Variants in NCOR2 observed in about 807,000 individuals in gnomAD.
NCOR2 encodes the protein CTG repeat protein 26.
NCOR2 carries 81 observed loss-of-function variants against 262.9 expected under a neutral mutation model. The observed-to-expected ratio is 0.31, with a 90% confidence interval of 0.26 to 0.37. The LOEUF (loss-of-function observed/expected upper bound fraction) is 0.37. Ranked by LOEUF, NCOR2 falls within the 10% of genes least tolerant of loss-of-function variation. The pLI is 1.00. For missense variants in NCOR2, 3,385 were observed against 3,621.4 expected, an observed-to-expected ratio of 0.93 and a Z score of 1.68; for synonymous variants, 1,659 against 1,559.3, an observed-to-expected ratio of 1.06 and a Z score of -1.51.
intron 22 of NCOR2, among the ~76,000 whole-genome samples, chr12:124,360,487 A>G (rs1384894910): frequency 6.6e-6 from 1 of 152,210 alleles, no homozygotes; most frequent in Non-Finnish European, 1.5e-5. Flanking sequence ...ACGGCCAGAC[A>G]GAGCTTTCCA....
chr12:124,466,158 G>A lies in NCOR2; in HGVS notation c.705+15C>T, dbSNP rs758782678. The A allele has an allele frequency of 3.1e-6, 5 of 1,602,000 alleles. No individual in the cohort carries two copies. The highest frequency in any genetic ancestry group is 3.4e-6 in the Non-Finnish European group (4 of 1,174,084). On this transcript the variant is annotated intron_variant, in intron 5 of 46. Transcript: ENST00000405201. Reference sequence around the variant, plus strand: ...CCAGCACCGGGGGGCAGCAGGCCAGGGCGGGGACACATACCCGGTTCTCGT... The same window carrying A: ...CCAGCACCGGGGGGCAGCAGGCCAGAGCGGGGACACATACCCGGTTCTCGT...
intron 3 of NCOR2, among the ~76,000 whole-genome samples, chr12:124,474,807 C>T (rs763143389): frequency 6.6e-6 from 1 of 152,170 alleles, no homozygotes; most frequent in East Asian, 1.9e-4. Context: ...ACCCAGCCCC[C>T]GCCCTGTGCC....
exon 47 of NCOR2, chr12:124,325,392 C>CCCCCCCCCGGGGG: frequency 2.6e-6 from 3 of 1,152,270 alleles, no homozygotes; most frequent in Non-Finnish European, 3.3e-6. Context: ...CCCCCCCGCC[C>CCCCCCCCCGGGGG]TGTTCTGAGT....
At chr12:124,473,425 C>T (rs2046930296) in intron 3 of NCOR2, among the ~76,000 whole-genome samples, 1 of 152,226 alleles carries the variant, frequency 6.6e-6, no homozygotes, top group Non-Finnish European at 1.5e-5. Context: ...CTACATCTTT[C>T]TCCCGTGCTG....
chr12:124,422,786 G>A (rs1006160620), intron 11 of NCOR2, among the ~76,000 whole-genome samples: 2 of 152,240 alleles, frequency 1.3e-5, no homozygotes, highest in Non-Finnish European at 2.9e-5. Flanking sequence ...TGGCTTTAGC[G>A]CCTTTGAAAA....
chr12:124,340,623 T>C lies in NCOR2; in HGVS notation c.5317A>G (p.Ser1773Gly), dbSNP rs1251900074. ...CTACCTGGGGAGAGTGGGGAGCTGC[T>C]GTGGCGGCTGCTGAAGGGCTGGGGC... The change falls in exon 35 of 47, where the codon AGC becomes GGC. Residue 1773 changes from serine (S) to glycine (G), a missense_variant. Coordinates refer to ENST00000405201, the Ensembl canonical transcript of NCOR2. 1.2e-5 allele frequency: 18 copies of C among 1,494,390 alleles called. No homozygotes were observed. The South Asian group carries it at 2.3e-4, about 19-fold the overall frequency. The allele number at this position is 1,494,390 out of a possible 1,614,324, so 92.6% of individuals were successfully genotyped here. A position where few individuals can be genotyped will look rare whatever the true frequency, so the allele number is the denominator to read the frequency against.
chr12:124,440,867 AGAAG>A lies in NCOR2; in HGVS notation c.816-2875_816-2872del, dbSNP rs1255681255. On this transcript the variant is annotated intron_variant, in intron 7 of 46. Coordinates refer to ENST00000405201, the Ensembl canonical transcript of NCOR2. The surrounding 1 kb of genome is among the most constrained non-coding windows in gnomAD (Gnocchi z 5.7). ...GAAGGACCCGGCTCTGGGAAGATCC[AGAAG>A]GAAGGGAACTCCAGCTGGAGGGCAC... is the stretch of plus-strand genomic sequence containing the variant. Among the ~76,000 whole-genome samples the A allele has an allele frequency of 6.6e-6, 1 of 152,300 alleles. No individual in the cohort carries two copies. The highest frequency in any genetic ancestry group is 1.9e-4 in the East Asian group (1 of 5,182).
At chr12:124,565,813 C>A (rs1392841843) in intron 1 of NCOR2, among the ~76,000 whole-genome samples, 1 of 152,332 alleles carries the variant, frequency 6.6e-6, no homozygotes, top group Non-Finnish European at 1.5e-5. Context: ...CAGGGTCACA[C>A]TGCCAGGAAA....
rs757290606 is a variant in NCOR2 at position 124,457,083 on chromosome 12, C to T, written c.762+23G>A. ...AGCCACCCCCGCCCTCCCCTGAGCC[C>T]CTGACCCTGTACCCCAGCTCACCAG... On this transcript the variant is annotated intron_variant, in intron 6 of 46. Transcript: ENST00000405201. The surrounding 1 kb of genome is among the most constrained non-coding windows in gnomAD (Gnocchi z 4.0). 6 of 1,517,574 alleles carry T rather than the reference C, an allele frequency of 4.0e-6. No homozygotes were observed. The South Asian group carries it at 7.6e-5, about 19-fold the overall frequency. 94.0% of individuals were successfully genotyped at this position (1,517,574 alleles called of 1,614,324 possible). A position where few individuals can be genotyped will look rare whatever the true frequency, so the allele number is the denominator to read the frequency against.
At chr12:124,400,397 C>T in intron 15 of NCOR2, 104 bp downstream of exon 17, 7 of 1,475,238 alleles carry the variant, frequency 4.7e-6, no homozygotes, top group Non-Finnish European at 5.5e-6. Flanking sequence ...ACACCAACCC[C>T]TTGGCTGTTG....
At position 124,556,850 on chromosome 12, in the gene NCOR2, C is replaced by CA. The variant is rs11309290; in HGVS notation, c.-165+10457dup. Among the ~76,000 whole-genome samples, 567 of 128,886 alleles carry CA rather than the reference C, an allele frequency of 4.4e-3. 5 individuals are homozygous for CA. The highest frequency in any genetic ancestry group is 0.015 in the East Asian group (68 of 4,408). 84.6% of individuals were successfully genotyped at this position (128,886 alleles called of 152,430 possible). A position where few individuals can be genotyped will look rare whatever the true frequency, so the allele number is the denominator to read the frequency against. ...GGCAACAGAGCAAGACTCTTTGTCTCAAAAAAAAAAAAAAAATCCGAGAAA... is the reference window on the plus strand; with the variant it reads ...GGCAACAGAGCAAGACTCTTTGTCTCAAAAAAAAAAAAAAAAATCCGAGAAA... On this transcript the variant is annotated intron_variant, in intron 1 of 32. Coordinates refer to the NCOR2 transcript ENST00000458234.
intron 16 of NCOR2, chr12:124,388,605 T>C (rs1042006211): frequency 7.8e-7 from 1 of 1,281,986 alleles, no homozygotes; most frequent in Non-Finnish European, 1.0e-6. Flanking sequence ...CTGCCCAGCC[T>C]CAAATCCCAG....
chr12:124,526,585 G>C (rs778899247), intron 1 of NCOR2, among the ~76,000 whole-genome samples: 53 of 152,284 alleles, frequency 3.5e-4, no homozygotes, highest in Admixed American at 1.2e-3. Flanking sequence ...CCCATCCTCT[G>C]TCCATGCCCA....
At chr12:124,430,943 G>A (rs543255749) in intron 8 of NCOR2, among the ~76,000 whole-genome samples, 156 bp from the exon 11 acceptor site, 2 of 152,050 alleles carry the variant, frequency 1.3e-5, no homozygotes, top group East Asian at 3.9e-4. Context: ...CAGCCACACA[G>A]ACACATACAT....
chr12:124,422,624 T>A, intron 11 of NCOR2, 69 bp from the exon 14 acceptor site: 2 of 1,580,808 alleles, frequency 1.3e-6, no homozygotes, highest in Non-Finnish European at 1.7e-6. Flanking sequence ...GCCGATCGGC[T>A]CCCAGGCGCC....
At chr12:124,418,977 A>G (rs2136288870) in intron 13 of NCOR2, among the ~76,000 whole-genome samples, 1 of 152,230 alleles carries the variant, frequency 6.6e-6, no homozygotes, top group East Asian at 1.9e-4. Flanking sequence ...GACCCCAGGA[A>G]GGAAATGCCT....
intron 8 of NCOR2, among the ~76,000 whole-genome samples, chr12:124,435,564 G>T (rs1159887259): frequency 6.6e-6 from 1 of 152,186 alleles, no homozygotes; most frequent in Non-Finnish European, 1.5e-5. Context: ...AGGCAGGCAG[G>T]GCCAAGGGAA....
chr12:124,397,262 C>T (rs368999040), intron 16 of NCOR2, among the ~76,000 whole-genome samples: 1 of 152,154 alleles, frequency 6.6e-6, no homozygotes, highest in African/African-American at 2.4e-5. Context: ...GGAGGAGATT[C>T]GCTCCCACTC....
intron 1 of NCOR2, among the ~76,000 whole-genome samples, chr12:124,519,724 G>A (rs1751902827): frequency 6.6e-6 from 1 of 152,130 alleles, no homozygotes; most frequent in South Asian, 2.1e-4. Context: ...CAATAACAGT[G>A]GCCACACACA....
Sources: gnomAD v4.1 joint callset for allele counts (sites outside exome capture counted in the v4.1 genomes callset) on GRCh38, gnomAD v4.1.1 for gene constraint, Gnocchi (gnomAD v3.1) non-coding constraint, MANE v1.5 for transcripts, NCBI Gene and HGNC (gene_info 2026-07-23, HGNC 2026-07-21) for gene names.